INTS7: variants seen among roughly 807,000 people sequenced by gnomAD.
The protein encoded by INTS7 is chromosome 1 open reading frame 73.
INTS7 carries 46 observed loss-of-function variants against 109.2 expected under a neutral mutation model. The ratio of observed to expected loss-of-function variants is 0.42; its 90% confidence interval spans 0.33 to 0.54. INTS7 has a LOEUF of 0.54. INTS7 is among the 20% of genes least tolerant of loss of function. The pLI is 0.07. For synonymous variants in INTS7, 412 were observed against 402.9 expected, an observed-to-expected ratio of 1.02 and a Z score of -0.27; for missense variants, 929 against 1,132.4, an observed-to-expected ratio of 0.82 and a Z score of 2.58.
At chr1:211,975,400 G>T in intron 12 of INTS7, 28 bp from the exon 13 acceptor site, 2 of 1,550,784 alleles carry the variant, frequency 1.3e-6, no homozygotes, top group African/African-American at 1.4e-5. Context: ...AAAGAAAAAA[G>T]AATAGAAGGA....
intron 7 of INTS7, among the ~76,000 whole-genome samples, chr1:211,999,045 T>C (rs772311695): frequency 1.8e-4 from 27 of 152,108 alleles, no homozygotes; most frequent in Admixed American, 4.6e-4. Flanking sequence ...GTAAGTAAAA[T>C]GGTATCGCAA....
intron 7 of INTS7, among the ~76,000 whole-genome samples, chr1:212,000,836 T>TA (rs1448736234): frequency 3.9e-5 from 6 of 152,202 alleles, no homozygotes; most frequent in African/African-American, 1.4e-4. Flanking sequence ...TTAGGCTTCT[T>TA]AAGGTCTTCC....
intron 4 of INTS7, among the ~76,000 whole-genome samples, chr1:212,015,159 T>G (rs28446865): frequency 1.3e-5 from 2 of 148,246 alleles, no homozygotes; most frequent in African/African-American, 5.0e-5. Flanking sequence ...CCGGGAAGTG[T>G]GGGAAGTGAG....
chr1:211,960,135 G>A (rs1178015531), intron 16 of INTS7, among the ~76,000 whole-genome samples: 1 of 152,166 alleles, frequency 6.6e-6, no homozygotes, highest in Non-Finnish European at 1.5e-5. Context: ...CAAGGAGCCA[G>A]AGAACAAAGT....
intron 10 of INTS7, 57 bp downstream of exon 10, chr1:211,981,036 C>A: frequency 9.6e-7 from 1 of 1,045,904 alleles, no homozygotes; most frequent in Admixed American, 2.1e-5. Flanking sequence ...ACTTTGCTTT[C>A]TATTGCCTAA....
intron 1 of INTS7, among the ~76,000 whole-genome samples, chr1:212,030,034 A>G (rs1667086329): frequency 6.6e-6 from 1 of 152,240 alleles, no homozygotes; most frequent in Non-Finnish European, 1.5e-5. Context: ...CAGTATGCAC[A>G]TGAGAATACT....
chr1:211,957,514 C>G (rs1663424523), intron 16 of INTS7, among the ~76,000 whole-genome samples: 1 of 152,144 alleles, frequency 6.6e-6, no homozygotes, highest in South Asian at 2.1e-4. Flanking sequence ...CCACTGTACT[C>G]CAGCCTGGGC....
intron 13 of INTS7, among the ~76,000 whole-genome samples, chr1:211,973,276 T>C (rs1475951363): frequency 6.6e-6 from 1 of 152,200 alleles, no homozygotes; most frequent in Non-Finnish European, 1.5e-5. Context: ...CCACAGAAAC[T>C]GTGAAATAAT....
intron 4 of INTS7, among the ~76,000 whole-genome samples, chr1:212,012,656 G>A (rs1447320021): frequency 6.6e-6 from 1 of 152,026 alleles, no homozygotes; most frequent in African/African-American, 2.4e-5. Context: ...ATTGAAGCAT[G>A]GTATATTAAA....
chr1:211,948,034 T>G (rs905530996), intron 17 of INTS7, among the ~76,000 whole-genome samples: 2 of 152,240 alleles, frequency 1.3e-5, no homozygotes, highest in Non-Finnish European at 2.9e-5. Flanking sequence ...CTAATATTTT[T>G]CCCACCAGCC....
intron 9 of INTS7, among the ~76,000 whole-genome samples, chr1:211,982,400 A>G (rs112960396): frequency 6.6e-6 from 1 of 152,158 alleles, no homozygotes; most frequent in Non-Finnish European, 1.5e-5. Flanking sequence ...TTTATCCACC[A>G]TATATGCACC....
Position 211,978,284 on chromosome 1 carries a change from T to G in INTS7, c.1458A>C (p.Gln486His). ...KVIGRSATDK[Q>H]QELLVSLATV... ...ATGGGCTTTTTACCAGAAGTTCTTG[T>G]TGCTTGTCTGTGGCTGATCGTCCAA... Residue 486 changes from glutamine (Q) to histidine (H), a missense_variant, in exon 11 of 20, where the codon CAA (glutamine) becomes CAC (histidine). By Grantham distance (24) the Gln-to-His change is conservative. Transcript: ENST00000366994. 1 of 1,614,186 alleles carries G rather than the reference T, an allele frequency of 6.2e-7. No homozygotes were observed. The highest frequency in any genetic ancestry group is 8.5e-7 in the Non-Finnish European group (1 of 1,180,004).
intron 8 of INTS7, 62 bp from the exon 9 acceptor site, chr1:211,982,872 C>A: frequency 1.5e-6 from 2 of 1,325,408 alleles, no homozygotes; most frequent in South Asian, 1.4e-5. Flanking sequence ...CAGTTCAGCT[C>A]ATAGGTTCAA....
intron 1 of INTS7, 126 bp from the exon 2 acceptor site, chr1:212,021,338 TA>T (rs1666689526): frequency 2.7e-6 from 2 of 743,394 alleles, no homozygotes; most frequent in Admixed American, 3.3e-5. Flanking sequence ...AGGTAAAGTA[TA>T]ATTCATTACC....
At chr1:212,015,338 G>A (rs1002662614) in intron 4 of INTS7, among the ~76,000 whole-genome samples, 12 of 152,248 alleles carry the variant, frequency 7.9e-5, no homozygotes, top group Admixed American at 7.2e-4. Flanking sequence ...GTAGACATAG[G>A]AGACTCCATT....
At chr1:211,964,147 G>A (rs1663767164) in intron 16 of INTS7, among the ~76,000 whole-genome samples, 1 of 152,062 alleles carries the variant, frequency 6.6e-6, no homozygotes, top group South Asian at 2.1e-4. Context: ...CAAAGATCCA[G>A]GATACAAAAT....
Position 211,978,418 on chromosome 1 carries a change from G to T in INTS7, c.1324C>A (p.Gln442Lys). The change falls in exon 11 of 20, where the codon CAA becomes AAA. Residue 442 changes from glutamine (Q) to lysine (K), a missense_variant. By Grantham distance (53) the Gln-to-Lys change is moderately conservative (BLOSUM62 1). Transcript: ENST00000366994. ...ETLLTQLHSA[Q>K]DAARILMCHC... ...CACATCAAAATCCGGGCAGCGTCTT[G>T]AGCACTGTGCAATTGAGTCAACAAG... 1.9e-6 allele frequency: 3 copies of T among 1,614,228 alleles called. No individual in the cohort carries two copies. The highest frequency in any genetic ancestry group is 2.5e-6 in the Non-Finnish European group (3 of 1,180,044).
At chr1:211,951,464 T>A (rs976761585) in intron 17 of INTS7, among the ~76,000 whole-genome samples, 1 of 152,152 alleles carries the variant, frequency 6.6e-6, no homozygotes, top group African/African-American at 2.4e-5. Context: ...TGCGCCACCA[T>A]GCCCAGCTAA....
In INTS7 at chr1:211,959,221, C is replaced by T. The variant is rs1663502362; in HGVS notation, c.2184-6520G>A. Among the ~76,000 whole-genome samples, 1 of 152,122 alleles carries T rather than the reference C, an allele frequency of 6.6e-6. No individual in the cohort carries two copies. The highest frequency in any genetic ancestry group is 1.5e-5 in the Non-Finnish European group (1 of 68,014). ...TGGAATACGGCCAGGGGCAGCCATC[C>T]CTCTAGGCTTAACTTGCTGACTTGC... On this transcript the variant is annotated intron_variant, in intron 16 of 19. Transcript: ENST00000366994. This position sits in a 1 kb window ranked among gnomAD's most constrained non-coding sequence, Gnocchi z 4.2.
Sources: gnomAD v4.1 joint callset for allele counts (sites outside exome capture counted in the v4.1 genomes callset) on GRCh38, gnomAD v4.1.1 for gene constraint, Gnocchi (gnomAD v3.1) non-coding constraint, MANE v1.5 for transcripts, NCBI Gene and HGNC (gene_info 2026-07-23, HGNC 2026-07-21) for gene names.